The following EBF3 variants were observed in gnomAD, a reference collection of about 807,000 sequenced individuals.
EBF3 encodes the protein EBF transcription factor 3.
In EBF3, 18 loss-of-function variants were observed where a neutral mutation model predicts 77.1. That is an observed-to-expected ratio of 0.23 (90% CI 0.16 to 0.35). The LOEUF is 0.35. Ranked by LOEUF, EBF3 falls within the 10% of genes least tolerant of loss-of-function variation. The pLI, the probability that EBF3 is intolerant of heterozygous loss-of-function variation, is 1.00. For missense variants in EBF3, 558 were observed against 860.0 expected (o/e 0.65, Z 4.39); for synonymous variants, 350 against 343.5 (o/e 1.02, Z -0.21).
At chr10:129,926,320 A>G (rs1856667455) in intron 6 of EBF3, among the ~76,000 whole-genome samples, 1 of 152,086 alleles carries the variant, frequency 6.6e-6, no homozygotes, top group African/African-American at 2.4e-5. Context: ...CCTTCCTGAG[A>G]CCCTGTGGAG....
At chr10:129,941,016 C>G (rs1294979911) in intron 6 of EBF3, among the ~76,000 whole-genome samples, 2 of 152,226 alleles carry the variant, frequency 1.3e-5, no homozygotes, top group Non-Finnish European at 2.9e-5. Flanking sequence ...AAGACCTGCT[C>G]TTAGAGCTTC....
rs539293991 is a variant in EBF3, at chr10:129,931,971, C to T, written c.554+25287G>A. Among the ~76,000 whole-genome samples the T allele has an allele frequency of 3.8e-4, 58 of 152,240 alleles. 1 individual carries two copies. Among genetic ancestry groups the T allele is most frequent in the South Asian group, 1.9e-3 (9 of 4,808 alleles). On this transcript the variant is annotated intron_variant, in intron 6 of 16. Transcript: ENST00000440978. ...GAGGTGACCAAGCCTCTGAACCTGG[C>T]GGTTCTCTGTGGCCACAGGCTATGT...
rs116026561 is a variant in EBF3, at chr10:129,897,007, C to T, written c.555-19158G>A. 1.9e-3 allele frequency among the ~76,000 whole-genome samples: 291 copies of T among 152,326 alleles called. No homozygotes were observed. The highest frequency in any genetic ancestry group is 6.5e-3 in the African/African-American group (272 of 41,580). ...CATATGGCCTCTTCCATCAATCTGA[C>T]TAATCAAGCATCGAGGACAGGCACC... On this transcript the variant is annotated intron_variant, in intron 6 of 16. Transcript: ENST00000440978. This position sits in a 1 kb window ranked among gnomAD's most constrained non-coding sequence, Gnocchi z 4.6.
chr10:129,880,732 G>A (rs1343125701), intron 6 of EBF3, among the ~76,000 whole-genome samples: 1 of 152,216 alleles, frequency 6.6e-6, no homozygotes, highest in Non-Finnish European at 1.5e-5. Context: ...GGTTCTTGGG[G>A]CATCTACAGG....
chr10:129,948,622 T>C (rs907586430), intron 6 of EBF3, among the ~76,000 whole-genome samples: 1 of 1,836 alleles, frequency 5.4e-4, no homozygotes, highest in Non-Finnish European at 9.0e-4. Context: ...TGGGGGAAAC[T>C]GGGGGGTGGG....
In EBF3 at chr10:129,952,319, T is replaced by C; in HGVS notation, c.554+4939A>G. On this transcript the variant is annotated intron_variant, in intron 6 of 16. Transcript: ENST00000440978. The surrounding 1 kb of genome is among the most constrained non-coding windows in gnomAD (Gnocchi z 4.7). ...AAATGACAAGTTGTCATTTAAGAAG[T>C]TAATAAACAGTCTCCGTTTTGCAGG... Among the ~76,000 whole-genome samples, 1 of 152,218 alleles carries C rather than the reference T, an allele frequency of 6.6e-6. No homozygotes were observed. The highest frequency in any genetic ancestry group is 1.9e-4 in the East Asian group (1 of 5,202).
chr10:129,885,980 G>A lies in EBF3; in HGVS notation c.555-8131C>T, dbSNP rs1039638007. ...TCGCCATCCTGATTCCTGATGGCTG[G>A]GGAGGTCATTCTCAAAATAAATGTG... On this transcript the variant is annotated intron_variant, in intron 6 of 16. Coordinates refer to ENST00000440978, the MANE Select transcript of EBF3 (RefSeq NM_001375380.1). The surrounding 1 kb of genome is among the most constrained non-coding windows in gnomAD (Gnocchi z 4.0). Among the ~76,000 whole-genome samples the A allele has an allele frequency of 6.6e-6, 1 of 151,942 alleles. No homozygotes were observed. Among genetic ancestry groups the A allele is most frequent in the African/African-American group, 2.4e-5 (1 of 41,384 alleles).
At chr10:129,895,936 C>T (rs535919264) in intron 6 of EBF3, among the ~76,000 whole-genome samples, 18 of 152,260 alleles carry the variant, frequency 1.2e-4, no homozygotes, top group South Asian at 1.0e-3. Flanking sequence ...ACAGATGCGG[C>T]GTGTGGAGCC....
chr10:129,838,452 G>A (rs560831322), intron 16 of EBF3, among the ~76,000 whole-genome samples: 1 of 152,296 alleles, frequency 6.6e-6, no homozygotes, highest in Non-Finnish European at 1.5e-5. Flanking sequence ...TCCAGGTCTG[G>A]GCTCTGACCG....
At chr10:129,959,090 C>A in intron 4 of EBF3, 83 bp from the exon 5 acceptor site, 1 of 1,546,888 alleles carries the variant, frequency 6.5e-7, no homozygotes, top group East Asian at 2.4e-5. Flanking sequence ...GCAGGCCTGG[C>A]TGGCAGCAGG....
intron 6 of EBF3, among the ~76,000 whole-genome samples, chr10:129,948,755 T>A (rs1858437145): frequency 6.6e-6 from 1 of 152,172 alleles, no homozygotes; most frequent in East Asian, 1.9e-4. Flanking sequence ...TAAATCTGCA[T>A]CAGATGCAGA....
rs1554892382 is a variant in EBF3, at chr10:129,841,042, T to TAC, written c.1373-11_1373-10insGT. 13 of 1,507,650 alleles carry TAC rather than the reference T, an allele frequency of 8.6e-6. No individual in the cohort carries two copies. The East Asian group carries it at 1.4e-4, about 17-fold the overall frequency. 93.4% of individuals were successfully genotyped at this position (1,507,650 alleles called of 1,614,324 possible). ...TTGCGACTGTAGCCGACTGTTGAAA[T>TAC]CCCCCCCCCGGCCAAAAATAACATT... is the stretch of plus-strand genomic sequence containing the variant. On this transcript the variant is annotated splice_polypyrimidine_tract_variant and intron_variant, in intron 13 of 16. Transcript: ENST00000440978. This position sits in a 1 kb window ranked among gnomAD's most constrained non-coding sequence, Gnocchi z 4.6.
In EBF3 at chr10:129,843,179, C is replaced by T. The variant is rs560892486; in HGVS notation, c.1152G>A (p.Ala384=). The T allele has an allele frequency of 1.2e-4, 186 of 1,613,356 alleles. No homozygotes were observed. The highest frequency in any genetic ancestry group is 1.5e-4 in the Non-Finnish European group (174 of 1,179,688). ...TTCCGTATAAGGCTTCCACCAGGTCCGCCGCCCGCTTCAGTAACACCTCCT... is the reference window on the plus strand; with the variant it reads ...TTCCGTATAAGGCTTCCACCAGGTCTGCCGCCCGCTTCAGTAACACCTCCT... ...LPKEVLLKRA[A]DLVEALYGMP... is the part of the protein sequence containing the mutation. Residue 384 remains alanine, a synonymous_variant, in exon 12 of 17, where the codon GCG becomes GCA. Transcript: ENST00000440978.
chr10:129,857,133 T>TAACC (rs1303512508), intron 10 of EBF3, among the ~76,000 whole-genome samples: 1 of 152,202 alleles, frequency 6.6e-6, no homozygotes, highest in African/African-American at 2.4e-5. Context: ...TTTTAACTCC[T>TAACC]GGTTTTTCAG....
chr10:129,919,912 TCAGACAGAACAG>T (rs1856150711), intron 6 of EBF3, among the ~76,000 whole-genome samples: 1 of 152,110 alleles, frequency 6.6e-6, no homozygotes, highest in African/African-American at 2.4e-5. Context: ...GCTTAATCAA[TCAGACAGAACAG>T]CACAAGAGAG....
At chr10:129,873,109 C>T (rs1852518394) in intron 8 of EBF3, among the ~76,000 whole-genome samples, 1 of 152,152 alleles carries the variant, frequency 6.6e-6, no homozygotes, top group African/African-American at 2.4e-5. Flanking sequence ...TGGGCCTGCA[C>T]GAGGTATCTG....
rs1851641009 is a variant in EBF3, at chr10:129,861,567, T to C, written c.1039+5574A>G. ...TTCTTGGGGGGTTCACTGGGGATCA[T>C]GGGGGGGACACAGACATCCTTGGAC... On this transcript the variant is annotated intron_variant, in intron 10 of 16. Coordinates refer to ENST00000440978, the MANE Select transcript of EBF3 (RefSeq NM_001375380.1). This position sits in a 1 kb window ranked among gnomAD's most constrained non-coding sequence, Gnocchi z 4.3. Among the ~76,000 whole-genome samples, 1 of 132,520 alleles carries C rather than the reference T, an allele frequency of 7.5e-6. No individual in the cohort carries two copies. The highest frequency in any genetic ancestry group is 1.6e-5 in the Non-Finnish European group (1 of 61,548). The allele number at this position is 132,520 out of a possible 152,430, so 86.9% of individuals were successfully genotyped here.
intron 6 of EBF3, among the ~76,000 whole-genome samples, chr10:129,948,881 G>A (rs1858447460): frequency 6.6e-6 from 1 of 152,174 alleles, no homozygotes; most frequent in African/African-American, 2.4e-5. Flanking sequence ...ACTATGGGAT[G>A]TCATTCTGCA....
chr10:129,932,969 G>A (rs1857127039), intron 6 of EBF3, among the ~76,000 whole-genome samples: 1 of 141,816 alleles, frequency 7.1e-6, no homozygotes, highest in Non-Finnish European at 1.5e-5. Context: ...ACTCTTGACT[G>A]GGTACAGTGA....
Sources: gnomAD v4.1 joint callset for allele counts (sites outside exome capture counted in the v4.1 genomes callset) on GRCh38, gnomAD v4.1.1 for gene constraint, Gnocchi (gnomAD v3.1) non-coding constraint, MANE v1.5 for transcripts, NCBI Gene and HGNC (gene_info 2026-07-23, HGNC 2026-07-21) for gene names.